Variants in ARMC8 observed in about 807,000 individuals in gnomAD.
ARMC8 encodes the protein armadillo repeat-containing protein 8.
ARMC8 carries 20 observed loss-of-function variants against 99.3 expected under a neutral mutation model. The ratio of observed to expected loss-of-function variants is 0.20; its 90% CI spans 0.14 to 0.29. The LOEUF is 0.29. ARMC8 is among the 10% of genes least tolerant of loss of function. ARMC8 has a pLI of 1.00. For synonymous variants in ARMC8, 263 were observed against 278.3 expected, an observed-to-expected ratio of 0.95 and a Z score of 0.55; for missense variants, 569 against 809.5, an observed-to-expected ratio of 0.70 and a Z score of 3.60.
At chr3:138,203,771 A>G (rs1385941487) in intron 1 of ARMC8, among the ~76,000 whole-genome samples, 1 of 152,188 alleles carries the variant, frequency 6.6e-6, no homozygotes, top group Non-Finnish European at 1.5e-5. Flanking sequence ...CTTCCACATA[A>G]TACTTTTCCA....
At chr3:138,273,232 C>G (rs948342693) in intron 17 of ARMC8, 116 bp downstream of exon 17, 25 of 1,115,244 alleles carry the variant, frequency 2.2e-5, no homozygotes, top group Non-Finnish European at 3.0e-5. Flanking sequence ...CAAATGCTGC[C>G]CCCTTCCAAA....
intron 6 of ARMC8, among the ~76,000 whole-genome samples, chr3:138,229,592 T>C (rs59705915): frequency 1.3e-5 from 2 of 152,162 alleles, no homozygotes; most frequent in East Asian, 3.9e-4. Flanking sequence ...CATGACTGTT[T>C]CCCCTCACCC....
intron 12 of ARMC8, chr3:138,246,614 C>T (rs1472451982): frequency 1.0e-6 from 1 of 985,590 alleles, no homozygotes; most frequent in East Asian, 1.1e-4. Context: ...CTCTAAAAAA[C>T]CATCTCATGG....
chr3:138,257,311 G>A (rs2047456908), intron 12 of ARMC8, among the ~76,000 whole-genome samples: 1 of 152,162 alleles, frequency 6.6e-6, no homozygotes, highest in Non-Finnish European at 1.5e-5. Context: ...TTTAATAAAG[G>A]AGAAATGGTA....
At chr3:138,256,323 A>G (rs1370614532) in intron 12 of ARMC8, among the ~76,000 whole-genome samples, 1 of 146,350 alleles carries the variant, frequency 6.8e-6, no homozygotes, top group Non-Finnish European at 1.5e-5. Flanking sequence ...TGCCATTTGT[A>G]CCCCCAACCA....
At chr3:138,278,806 A>G (rs1189080569) in intron 18 of ARMC8, among the ~76,000 whole-genome samples, 1 of 151,866 alleles carries the variant, frequency 6.6e-6, no homozygotes, top group Non-Finnish European at 1.5e-5. Context: ...CATATGTTTG[A>G]TGTTTTTGTA....
At chr3:138,194,073 C>T (rs141255267) in intron 1 of ARMC8, among the ~76,000 whole-genome samples, 2,239 of 149,534 alleles carry the variant, frequency 0.015, 60 homozygotes, top group African/African-American at 0.053. Context: ...GACGGCGTCT[C>T]GCTCTGTCTC....
chr3:138,261,190 A>G (rs993752964), intron 12 of ARMC8, among the ~76,000 whole-genome samples: 1 of 152,236 alleles, frequency 6.6e-6, no homozygotes, highest in Non-Finnish European at 1.5e-5. Flanking sequence ...CCCCAAGGTA[A>G]TAGTAATAAG....
At chr3:138,292,835 G>A (rs2051098187) in intron 21 of ARMC8, among the ~76,000 whole-genome samples, 4 of 152,220 alleles carry the variant, frequency 2.6e-5, no homozygotes, top group Admixed American at 2.6e-4. Context: ...AAGATCTAGA[G>A]TCCCTCCAGC....
intron 12 of ARMC8, among the ~76,000 whole-genome samples, chr3:138,252,527 C>T (rs993883082): frequency 4.0e-5 from 6 of 150,538 alleles, no homozygotes; most frequent in African/African-American, 1.5e-4. Flanking sequence ...GATCTCGGCT[C>T]ACTGCAGCCT....
chr3:138,274,163 A>G (rs774862345), intron 17 of ARMC8, among the ~76,000 whole-genome samples: 18 of 151,866 alleles, frequency 1.2e-4, no homozygotes, highest in South Asian at 4.2e-4. Context: ...AGGACCCCCA[A>G]TGATTGTGCT....
chr3:138,279,663 G>A (rs2108336428), intron 18 of ARMC8, among the ~76,000 whole-genome samples: 1 of 152,252 alleles, frequency 6.6e-6, no homozygotes, highest in Admixed American at 6.5e-5. Flanking sequence ...GAATCATCTG[G>A]ATACGATGAC....
At chr3:138,262,601 A>C in intron 12 of ARMC8, 1 of 1,572,812 alleles carries the variant, frequency 6.4e-7, no homozygotes, top group African/African-American at 1.4e-5. Context: ...GGAGATTAAA[A>C]AAAAAAAAAA....
chr3:138,277,753 G>A (rs1203705365), intron 18 of ARMC8, among the ~76,000 whole-genome samples: 1 of 152,086 alleles, frequency 6.6e-6, no homozygotes, highest in East Asian at 1.9e-4. Context: ...GTACATATAC[G>A]TGCCATACGA....
At chr3:138,231,790 A>C (rs570218649) in intron 6 of ARMC8, among the ~76,000 whole-genome samples, 4 of 134,554 alleles carry the variant, frequency 3.0e-5, no homozygotes, top group African/African-American at 7.9e-5. Flanking sequence ...TGGGGGGGGA[A>C]AAAAAAAAGA....
At chr3:138,245,405 C>T in intron 12 of ARMC8, 2 of 1,385,040 alleles carry the variant, frequency 1.4e-6, no homozygotes, top group Non-Finnish European at 1.9e-6. Flanking sequence ...TGACAAATAA[C>T]TGGCGTGCTT....
chr3:138,229,438 A>G (rs2108115538), intron 6 of ARMC8, among the ~76,000 whole-genome samples: 1 of 150,812 alleles, frequency 6.6e-6, no homozygotes, highest in East Asian at 1.9e-4. Context: ...TTATGCTATT[A>G]CAAAACAGTG....
intron 1 of ARMC8, among the ~76,000 whole-genome samples, chr3:138,204,689 A>T (rs376603049): frequency 1.1e-4 from 16 of 152,344 alleles, no homozygotes; most frequent in African/African-American, 3.6e-4. Context: ...AGGATTTGAC[A>T]TAGTTGATTA....
At chr3:138,295,746 C>A (rs2051428301) in intron 21 of ARMC8, 113 bp from the exon 22 acceptor site, 1 of 1,221,186 alleles carries the variant, frequency 8.2e-7, no homozygotes, top group Admixed American at 2.1e-5. Flanking sequence ...CACCCCAATT[C>A]CCTCTGGAGA....
Sources: allele counts gnomAD v4.1 joint callset (sites outside exome capture counted in the v4.1 genomes callset), GRCh38; gene constraint gnomAD v4.1.1; transcripts MANE v1.5; gene names NCBI Gene and HGNC (gene_info 2026-07-23, HGNC 2026-07-21).